CA5A: variants seen among roughly 807,000 people sequenced by gnomAD.
CA5A encodes carbonic anhydrase 5A, also known as carbonic anhydrase 5A, mitochondrial.
In CA5A, 28 loss-of-function variants were observed where a neutral mutation model predicts 37.1. That is an observed-to-expected ratio of 0.75 (90% CI 0.56 to 1.03). CA5A has a LOEUF of 1.03. CA5A is among the 50% of genes least tolerant of loss of function. CA5A has a pLI of 0.00. For synonymous variants in CA5A, 171 were observed against 158.4 expected, an observed-to-expected ratio of 1.08 and a Z score of -0.60; for missense variants, 444 against 399.9, an observed-to-expected ratio of 1.11 and a Z score of -0.94.
In CA5A at chr16:87,911,620, G is replaced by C. The variant is rs1221601833; in HGVS notation, c.341-6716C>G. ...AAGCTGTAAAGGGTGACACGGCTGA[G>C]GGCTTCTGTGTGCCACCTCCCCAGG... On this transcript the variant is annotated intron_variant, in intron 2 of 6. Transcript: ENST00000649794. This position sits in a 1 kb window ranked among gnomAD's most constrained non-coding sequence, Gnocchi z 4.6. Among the ~76,000 whole-genome samples the C allele has an allele frequency of 2.0e-5, 3 of 152,170 alleles. No individual in the cohort carries two copies. Among genetic ancestry groups the C allele is most frequent in the African/African-American group, 7.2e-5 (3 of 41,424 alleles).
rs182990580 is a variant in CA5A at position 87,928,070 on chromosome 16, C to G, written c.143-1125G>C. Among the ~76,000 whole-genome samples, 59 of 152,272 alleles carry G rather than the reference C, an allele frequency of 3.9e-4. 1 individual carries two copies. The highest frequency in any genetic ancestry group is 1.3e-3 in the African/African-American group (55 of 41,548). Reference sequence around the variant, plus strand: ...CTTAGAGCACTTCCAAATACAGAGTCCCCTTGCTTGGGGATGTCACCCCAG... The same window carrying G: ...CTTAGAGCACTTCCAAATACAGAGTGCCCTTGCTTGGGGATGTCACCCCAG... On this transcript the variant is annotated intron_variant, in intron 1 of 6. Coordinates refer to ENST00000649794, the MANE Select transcript of CA5A (RefSeq NM_001739.2).
rs565557401 is a variant in CA5A at position 87,899,919 on chromosome 16, CAAAAAAAAAAAAAAAA to C, written c.618+1977_618+1992del. Among the ~76,000 whole-genome samples the C allele has an allele frequency of 5.4e-3, 250 of 46,556 alleles. 2 individuals are homozygous for C. Among genetic ancestry groups the C allele is most frequent in the East Asian group, 0.045 (48 of 1,066 alleles). The allele number at this position is 46,556 out of a possible 152,430, so 30.5% of individuals were successfully genotyped here. A position where few individuals can be genotyped will look rare whatever the true frequency, so the allele number is the denominator to read the frequency against. ...TGGGCAACAGAGCGAGATTTTATCT[CAAAAAAAAAAAAAAAA>C]AAAAAAAAAAAAAAAAAGAGTCTAA... is the stretch of plus-strand genomic sequence containing the variant. On this transcript the variant is annotated intron_variant, in intron 5 of 6. Coordinates refer to ENST00000649794, the MANE Select transcript of CA5A (RefSeq NM_001739.2).
chr16:87,899,475 G>A (rs1279780212), intron 5 of CA5A, among the ~76,000 whole-genome samples: 2 of 150,430 alleles, frequency 1.3e-5, no homozygotes, highest in East Asian at 2.0e-4. Flanking sequence ...GCTAATTTTT[G>A]TATTTTTAGT....
chr16:87,924,983 C>T (rs984559132), intron 2 of CA5A, among the ~76,000 whole-genome samples: 1 of 152,212 alleles, frequency 6.6e-6, no homozygotes, highest in Admixed American at 6.5e-5. Flanking sequence ...TCATTTATGC[C>T]TTCAACTCTG....
intron 1 of CA5A, among the ~76,000 whole-genome samples, chr16:87,929,966 T>A (rs971346807): frequency 1.3e-5 from 2 of 151,010 alleles, no homozygotes; most frequent in Non-Finnish European, 2.9e-5. Context: ...AATCGCAGAA[T>A]GTTTGTTCTA....
At chr16:87,921,204 C>T (rs975949820) in intron 2 of CA5A, among the ~76,000 whole-genome samples, 1 of 152,212 alleles carries the variant, frequency 6.6e-6, no homozygotes, top group Non-Finnish European at 1.5e-5. Context: ...GTTGGGATTA[C>T]AGGCATGACC....
intron 2 of CA5A, among the ~76,000 whole-genome samples, chr16:87,920,041 A>C (rs1409929695): frequency 1.3e-5 from 2 of 152,126 alleles, no homozygotes; most frequent in African/African-American, 2.4e-5. Flanking sequence ...GGCCGGGCTT[A>C]CCTGGGACCA....
chr16:87,918,235 C>A (rs1307071883), intron 2 of CA5A, among the ~76,000 whole-genome samples: 1 of 152,264 alleles, frequency 6.6e-6, no homozygotes, highest in African/African-American at 2.4e-5. Flanking sequence ...TCACACAGCC[C>A]TGCCCAATGA....
chr16:87,883,127 T>G (rs2055622429), downstream of CA5A: 1 of 151,994 alleles, frequency 6.6e-6, no homozygotes, highest in Non-Finnish European at 1.5e-5. Context: ...TTCAAGCAAT[T>G]CTCCTGCCTC....
chr16:87,926,444 C>A (rs946431227), intron 2 of CA5A, among the ~76,000 whole-genome samples: 1 of 152,232 alleles, frequency 6.6e-6, no homozygotes, highest in Non-Finnish European at 1.5e-5. Context: ...GAGCTTGTCT[C>A]TTCCTCCCAC....
At chr16:87,908,485 C>T (rs540117224) in intron 2 of CA5A, among the ~76,000 whole-genome samples, 54 of 152,180 alleles carry the variant, frequency 3.5e-4, no homozygotes, top group Non-Finnish European at 5.9e-4. Flanking sequence ...TAGGGTTCTA[C>T]GTAGGCACAT....
intron 4 of CA5A, chr16:87,882,220 T>C (rs1160653205): frequency 5.3e-5 from 8 of 152,260 alleles, no homozygotes; most frequent in African/African-American, 1.7e-4. Flanking sequence ...CTCAGAGCGC[T>C]GCAGGAAGCC....
chr16:87,889,950 G>A (rs1246670444), intron 6 of CA5A, among the ~76,000 whole-genome samples: 1 of 152,150 alleles, frequency 6.6e-6, no homozygotes, highest in South Asian at 2.1e-4. Flanking sequence ...ATGATGCAGC[G>A]CCCCCTAGAG....
chr16:87,901,856 G>T (rs568286213), intron 5 of CA5A, 56 bp downstream of exon 5: 214 of 1,483,266 alleles, frequency 1.4e-4, no homozygotes, highest in Non-Finnish European at 1.9e-4. Context: ...CAAAGTGCTG[G>T]GATTACAGGC....
chr16:87,922,227 C>T lies in CA5A; in HGVS notation c.340+4521G>A, dbSNP rs1242169945. 2.0e-5 allele frequency among the ~76,000 whole-genome samples: 3 copies of T among 152,176 alleles called. No individual in the cohort carries two copies. In the East Asian group the frequency reaches 5.8e-4, roughly 29 times the overall value. On this transcript the variant is annotated intron_variant, in intron 2 of 6. Coordinates refer to ENST00000649794, the MANE Select transcript of CA5A (RefSeq NM_001739.2). ...CCCCCCATAAAATTAGCATTTTATTCACTGATGTGAATAATATCCTCGCTA... is the reference window on the plus strand; with the variant it reads ...CCCCCCATAAAATTAGCATTTTATTTACTGATGTGAATAATATCCTCGCTA...
intron 1 of CA5A, among the ~76,000 whole-genome samples, chr16:87,935,704 C>T (rs550301053): frequency 2.0e-5 from 3 of 151,390 alleles, no homozygotes; most frequent in South Asian, 4.2e-4. Context: ...GGTGAAACCC[C>T]ATCTCTACCA....
At chr16:87,897,174 G>T (rs1395737098) in intron 5 of CA5A, among the ~76,000 whole-genome samples, 3 of 152,248 alleles carry the variant, frequency 2.0e-5, no homozygotes, top group Non-Finnish European at 4.4e-5. Context: ...GCACAGAGCC[G>T]TTCCCTGGAT....
chr16:87,894,573 TA>T (rs55721035), intron 5 of CA5A, among the ~76,000 whole-genome samples: 31,549 of 144,528 alleles, frequency 0.22, 3,371 homozygotes, highest in South Asian at 0.29. Flanking sequence ...TCCAGTTAAT[TA>T]AAAAAAAAAA....
At chr16:87,906,296 G>T (rs2055960226) in intron 2 of CA5A, among the ~76,000 whole-genome samples, 1 of 152,000 alleles carries the variant, frequency 6.6e-6, no homozygotes, top group Admixed American at 6.6e-5. Flanking sequence ...ATGCCTTGGG[G>T]AGCTTGACAC....
Sources: allele counts gnomAD v4.1 joint callset (sites outside exome capture counted in the v4.1 genomes callset), GRCh38; gene constraint gnomAD v4.1.1; non-coding constraint Gnocchi (gnomAD v3.1); transcripts MANE v1.5; gene names NCBI Gene and HGNC (gene_info 2026-07-23, HGNC 2026-07-21).